Variants in CTNNA3 observed in about 807,000 individuals in gnomAD.
CTNNA3 encodes the protein catenin alpha 3.
Under a neutral mutation model 95.7 loss-of-function variants are expected in CTNNA3, and 76 were observed. The observed-to-expected ratio is 0.79, with a 90% confidence interval of 0.66 to 0.96. The LOEUF (loss-of-function observed/expected upper bound fraction) is 0.96. Ranked by LOEUF, CTNNA3 falls within the 40% of genes least tolerant of loss-of-function variation. The pLI is 0.00. For synonymous variants in CTNNA3, 431 were observed against 374.4 expected, an observed-to-expected ratio of 1.15 and a Z score of -1.74; for missense variants, 1,191 against 1,089.8, an observed-to-expected ratio of 1.09 and a Z score of -1.31.
chr10:66,275,417 T>G (rs1394732294), intron 13 of CTNNA3, among the ~76,000 whole-genome samples: 2 of 152,220 alleles, frequency 1.3e-5, no homozygotes, highest in African/African-American at 4.8e-5. Context: ...TAATTTGCAT[T>G]TGAAGCATGG....
At chr10:66,736,137 G>A (rs1849130138) in intron 9 of CTNNA3, among the ~76,000 whole-genome samples, 2 of 152,082 alleles carry the variant, frequency 1.3e-5, no homozygotes, top group African/African-American at 2.4e-5. Context: ...ATTTATTACA[G>A]CCATTGAGAT....
At chr10:65,957,471 T>C (rs1301957130) in intron 17 of CTNNA3, among the ~76,000 whole-genome samples, 1 of 152,236 alleles carries the variant, frequency 6.6e-6, no homozygotes, top group Non-Finnish European at 1.5e-5. Context: ...GTTGATGCAG[T>C]TTCTTTCTAG....
intron 5 of CTNNA3, among the ~76,000 whole-genome samples, chr10:67,407,876 T>C (rs1272624128): frequency 6.6e-6 from 1 of 151,944 alleles, no homozygotes; most frequent in Middle Eastern, 3.2e-3. Context: ...GAAGGACCTC[T>C]TTGAGAAGAA....
chr10:67,703,263 CTAACTCATTT>C (rs538123099), intron 1 of CTNNA3, among the ~76,000 whole-genome samples: 6 of 152,274 alleles, frequency 3.9e-5, no homozygotes, highest in African/African-American at 1.2e-4. Flanking sequence ...GGAATCCTCC[CTAACTCATTT>C]TATGAGGCCA....
intron 9 of CTNNA3, among the ~76,000 whole-genome samples, chr10:66,732,279 C>A (rs1368834489): frequency 6.6e-6 from 1 of 152,262 alleles, no homozygotes; most frequent in African/African-American, 2.4e-5. Flanking sequence ...AGAGAAAAAT[C>A]TAGACCTCTC....
chr10:66,659,344 G>A (rs1330488864), intron 9 of CTNNA3, among the ~76,000 whole-genome samples: 1 of 152,158 alleles, frequency 6.6e-6, no homozygotes, highest in African/African-American at 2.4e-5. Flanking sequence ...GTAACTTTGA[G>A]TAGAGACCTG....
chr10:66,597,239 C>T (rs527316677), intron 10 of CTNNA3, among the ~76,000 whole-genome samples: 2 of 151,434 alleles, frequency 1.3e-5, no homozygotes, highest in Non-Finnish European at 2.9e-5. Flanking sequence ...GAGAAAAAGG[C>T]AGAAAGCATA....
At chr10:66,688,916 G>A (rs1163703457) in intron 9 of CTNNA3, among the ~76,000 whole-genome samples, 1 of 150,390 alleles carries the variant, frequency 6.6e-6, no homozygotes, top group African/African-American at 2.5e-5. Context: ...GGAGCTTGCA[G>A]TGAGCCAAGA....
chr10:66,414,000 A>G (rs532554645), intron 11 of CTNNA3, among the ~76,000 whole-genome samples: 1 of 152,372 alleles, frequency 6.6e-6, no homozygotes, highest in East Asian at 1.9e-4. Flanking sequence ...TGATATAATC[A>G]GTCCAGTCCT....
At chr10:67,268,352 AT>A (rs1162952042) in intron 5 of CTNNA3, among the ~76,000 whole-genome samples, 1 of 149,140 alleles carries the variant, frequency 6.7e-6, no homozygotes, top group African/African-American at 2.5e-5. Flanking sequence ...ATTAAATTAA[AT>A]TAAATAAATA....
At chr10:66,749,301 T>C (rs1350413632) in intron 9 of CTNNA3, among the ~76,000 whole-genome samples, 1 of 151,576 alleles carries the variant, frequency 6.6e-6, no homozygotes, top group Non-Finnish European at 1.5e-5. Flanking sequence ...TAATAACATG[T>C]ATCCACCGTT....
chr10:67,447,527 C>T (rs1564656679), intron 5 of CTNNA3, among the ~76,000 whole-genome samples: 5 of 152,194 alleles, frequency 3.3e-5, no homozygotes, highest in African/African-American at 7.2e-5. Flanking sequence ...AAAGCCTCCA[C>T]CTTTGTTCTG....
chr10:67,488,090 T>A (rs1327463075), intron 5 of CTNNA3, among the ~76,000 whole-genome samples: 1 of 152,102 alleles, frequency 6.6e-6, no homozygotes, highest in African/African-American at 2.4e-5. Flanking sequence ...CAGAACCTCG[T>A]TGAGTTTCGA....
chr10:66,913,497 A>G (rs1380268460), intron 7 of CTNNA3, among the ~76,000 whole-genome samples: 2 of 152,096 alleles, frequency 1.3e-5, no homozygotes, highest in Non-Finnish European at 2.9e-5. Context: ...CGGCAGATTG[A>G]TCGCATGCTT....
At chr10:66,708,851 G>A (rs186075089) in intron 9 of CTNNA3, among the ~76,000 whole-genome samples, 235 of 152,244 alleles carry the variant, frequency 1.5e-3, no homozygotes, top group African/African-American at 5.3e-3. Flanking sequence ...CATGGAAATA[G>A]ATGCCATTTA....
At chr10:67,742,926 C>T (rs949608585) in intron 1 of CTNNA3, among the ~76,000 whole-genome samples, 2 of 151,344 alleles carry the variant, frequency 1.3e-5, no homozygotes, top group Admixed American at 1.3e-4. Flanking sequence ...TTCCTCTACG[C>T]ATATATCCTC....
At chr10:66,399,219 C>G (rs12767602) in intron 11 of CTNNA3, among the ~76,000 whole-genome samples, 1 of 151,740 alleles carries the variant, frequency 6.6e-6, no homozygotes, top group Non-Finnish European at 1.5e-5. Context: ...CACCAGACAC[C>G]TGAGTTAAAA....
intron 10 of CTNNA3, among the ~76,000 whole-genome samples, chr10:66,547,210 A>G (rs1842060712): frequency 6.6e-6 from 1 of 152,100 alleles, no homozygotes; most frequent in South Asian, 2.1e-4. Context: ...CATTTCATTA[A>G]CAAAACACGT....
intron 7 of CTNNA3, among the ~76,000 whole-genome samples, chr10:66,992,123 A>G (rs919288814): frequency 3.3e-5 from 5 of 152,172 alleles, no homozygotes; most frequent in African/African-American, 9.7e-5. Context: ...ACTAATATCA[A>G]TTTACATTCC....
Sources: gnomAD v4.1 joint callset for allele counts (sites outside exome capture counted in the v4.1 genomes callset) on GRCh38, gnomAD v4.1.1 for gene constraint, MANE v1.5 for transcripts, NCBI Gene and HGNC (gene_info 2026-07-23, HGNC 2026-07-21) for gene names.